FBLN7: variants seen among roughly 807,000 people sequenced by gnomAD.
FBLN7 encodes the protein fibulin-7.
In FBLN7, 31 loss-of-function variants were observed where a neutral mutation model predicts 44.0. The observed-to-expected ratio is 0.70, with a 90% CI of 0.53 to 0.95. The LOEUF is 0.95. Among genes scored for constraint, FBLN7 ranks in the 40% least tolerant of loss-of-function variants. The pLI, the probability that FBLN7 is intolerant of heterozygous loss-of-function variation, is 0.00. For synonymous variants in FBLN7, 262 were observed against 253.4 expected (o/e 1.03, Z -0.32); for missense variants, 573 against 618.5 (o/e 0.93, Z 0.78).
chr2:112,216,379 A>T, the FBLN7 span: 1 of 152,358 alleles, frequency 6.6e-6, no homozygotes, highest in Non-Finnish European at 1.5e-5. Flanking sequence ...ACTCTGAATG[A>T]GGAATCTTGT....
chr2:112,176,692 G>A (rs1682752369), intron 4 of FBLN7: 1 of 152,152 alleles, frequency 6.6e-6, no homozygotes, highest in Non-Finnish European at 1.5e-5. Flanking sequence ...TCAGCTGGCT[G>A]GGCACTTTCT....
the FBLN7 span, among the ~76,000 whole-genome samples, chr2:112,219,784 C>T: frequency 2.0e-5 from 3 of 151,984 alleles, no homozygotes; most frequent in African/African-American, 7.3e-5. Flanking sequence ...CTACTAGGTC[C>T]ATTTGGTCAA....
At chr2:112,170,730 G>A (rs1328863967) in intron 3 of FBLN7, among the ~76,000 whole-genome samples, 3 of 152,194 alleles carry the variant, frequency 2.0e-5, no homozygotes, top group Non-Finnish European at 4.4e-5. Context: ...TGCAGGTGGT[G>A]GGATTTTAGT....
chr2:112,228,906 T>C, the FBLN7 span, among the ~76,000 whole-genome samples: 4 of 151,416 alleles, frequency 2.6e-5, no homozygotes, highest in African/African-American at 9.7e-5. Flanking sequence ...AATTTTAAAA[T>C]GGGCAGAGAT....
the FBLN7 span, among the ~76,000 whole-genome samples, chr2:112,204,642 G>A: frequency 6.6e-6 from 1 of 152,124 alleles, no homozygotes; most frequent in Non-Finnish European, 1.5e-5. Context: ...AGAAGACAGT[G>A]GGAGGACATA....
chr2:112,142,763 T>C (rs1680710672), intron 1 of FBLN7, among the ~76,000 whole-genome samples: 1 of 138,546 alleles, frequency 7.2e-6, no homozygotes, highest in Non-Finnish European at 1.5e-5. Flanking sequence ...AGCGTATGTG[T>C]GTGTTTGTGT....
downstream of FBLN7, among the ~76,000 whole-genome samples, chr2:112,192,690 A>G (rs1317916721): frequency 1.3e-5 from 2 of 152,252 alleles, no homozygotes; most frequent in African/African-American, 4.8e-5. Flanking sequence ...GGAGAGAGGA[A>G]GTCCCTCGAA....
chr2:112,169,529 C>G (rs1021560661), intron 3 of FBLN7, among the ~76,000 whole-genome samples: 1 of 152,156 alleles, frequency 6.6e-6, no homozygotes, highest in Non-Finnish European at 1.5e-5. Flanking sequence ...ATATAAATAC[C>G]GTTGTCACTT....
At chr2:112,178,872 T>C (rs1241962009) in intron 4 of FBLN7, among the ~76,000 whole-genome samples, 1 of 152,104 alleles carries the variant, frequency 6.6e-6, no homozygotes, top group Non-Finnish European at 1.5e-5. Flanking sequence ...GAGCCATCTA[T>C]GACAAACTCA....
At chr2:112,207,614 G>A in the FBLN7 span, among the ~76,000 whole-genome samples, 1 of 152,172 alleles carries the variant, frequency 6.6e-6, no homozygotes, top group African/African-American at 2.4e-5. Flanking sequence ...AGAAAGGAGT[G>A]TTGAAGTTAC....
chr2:112,241,011 G>T, the FBLN7 span, among the ~76,000 whole-genome samples: 1 of 143,240 alleles, frequency 7.0e-6, no homozygotes, highest in African/African-American at 2.8e-5. Context: ...GTTGTGTTTT[G>T]TGTGTGTGTG....
At chr2:112,167,884 TGTTATG>T (rs1349136176) in intron 3 of FBLN7, among the ~76,000 whole-genome samples, 4 of 32,300 alleles carry the variant, frequency 1.2e-4, no homozygotes, top group Non-Finnish European at 2.1e-4. Context: ...TGTTATGTTA[TGTTATG>T]TTATGTTATG....
At chr2:112,209,992 A>C in the FBLN7 span, among the ~76,000 whole-genome samples, 1 of 151,964 alleles carries the variant, frequency 6.6e-6, no homozygotes, top group Non-Finnish European at 1.5e-5. Flanking sequence ...GGGAGTGGTG[A>C]TGCTGGCAGC....
chr2:112,160,767 C>G (rs1282606203), intron 2 of FBLN7, among the ~76,000 whole-genome samples: 1 of 35,808 alleles, frequency 2.8e-5, no homozygotes, highest in Non-Finnish European at 6.6e-5. Flanking sequence ...CACGCACGCA[C>G]ACGCAGACGC....
chr2:112,218,571 C>T, the FBLN7 span, among the ~76,000 whole-genome samples: 69 of 152,140 alleles, frequency 4.5e-4, 1 homozygote, highest in African/African-American at 1.6e-3. Flanking sequence ...GAATAGAATA[C>T]GGTTGACTCT....
At chr2:112,199,080 C>G in the FBLN7 span, among the ~76,000 whole-genome samples, 9 of 152,132 alleles carry the variant, frequency 5.9e-5, no homozygotes, top group African/African-American at 2.2e-4. Context: ...TTTCCTTTTC[C>G]TCTTGGACAA....
the FBLN7 span, among the ~76,000 whole-genome samples, chr2:112,217,328 G>A: frequency 4.5e-3 from 688 of 152,192 alleles, 8 homozygotes; most frequent in African/African-American, 0.016. Flanking sequence ...AGCAAAGATC[G>A]TGCCACTTCA....
the FBLN7 span, among the ~76,000 whole-genome samples, chr2:112,220,794 CT>C: frequency 1.1e-3 from 170 of 152,294 alleles, no homozygotes; most frequent in African/African-American, 3.9e-3. Context: ...GCACTTCAGC[CT>C]GAGCAAAAAG....
chr2:112,201,849 GCTAC>G, the FBLN7 span, among the ~76,000 whole-genome samples: 1 of 152,196 alleles, frequency 6.6e-6, no homozygotes, highest in Non-Finnish European at 1.5e-5. Context: ...ACTGAGTTCA[GCTAC>G]ATGAGGAAGT....
Sources: allele counts gnomAD v4.1 joint callset (sites outside exome capture counted in the v4.1 genomes callset), GRCh38; gene constraint gnomAD v4.1.1; transcripts MANE v1.5; gene names NCBI Gene and HGNC (gene_info 2026-07-23, HGNC 2026-07-21).